Variants in CACNB4 observed in about 807,000 individuals in gnomAD.
CACNB4 encodes calcium voltage-gated channel auxiliary subunit beta 4.
A neutral mutation model predicts 71.2 loss-of-function variants in CACNB4; 32 were observed. The observed-to-expected ratio is 0.45, with a 90% CI of 0.34 to 0.60. CACNB4 has a LOEUF of 0.60. Among genes scored for constraint, CACNB4 ranks in the 20% least tolerant of loss-of-function variants. CACNB4 has a pLI of 0.01. For synonymous variants in CACNB4, 231 were observed against 236.9 expected, an observed-to-expected ratio of 0.97 and a Z score of 0.23; for missense variants, 464 against 647.9, an observed-to-expected ratio of 0.72 and a Z score of 3.08.
At chr2:151,872,313 A>C in intron 6 of CACNB4, 104 bp downstream of exon 6, 2 of 691,178 alleles carry the variant, frequency 2.9e-6, no homozygotes, top group Non-Finnish European at 5.2e-6. Context: ...TCTTTAAATT[A>C]AGCCTTCAAA....
intron 2 of CACNB4, chr2:151,967,119 C>CTCACTGAAG (rs2099871348): frequency 6.7e-6 from 1 of 150,140 alleles, no homozygotes; most frequent in African/African-American, 2.5e-5. Context: ...ATGATCAGGC[C>CTCACTGAAG]TCACTGAAGC....
At chr2:151,897,099 C>T (rs951497790) in intron 2 of CACNB4, among the ~76,000 whole-genome samples, 2 of 152,230 alleles carry the variant, frequency 1.3e-5, no homozygotes, top group Non-Finnish European at 2.9e-5. Flanking sequence ...CTAAAAATTA[C>T]TGAGAATGCT....
intron 12 of CACNB4, chr2:151,851,990 A>C (rs2099839174): frequency 1.3e-5 from 2 of 152,214 alleles, no homozygotes; most frequent in African/African-American, 4.8e-5. Context: ...GGCAGCGTGA[A>C]GTGAAACTTA....
rs138025572 is a variant in CACNB4 at position 151,870,634 on chromosome 2, C to G, written c.619-23G>C. The G allele has an allele frequency of 1.6e-4, 258 of 1,593,972 alleles. No homozygotes were observed. The African/African-American group carries it at 2.9e-3, about 18-fold the overall frequency. Reference sequence around the variant, plus strand: ...CGTCTGAAAAAGATGATTCGACACGCGTGACAAGGTGAGGTTGAGCATGCC... The same window carrying G: ...CGTCTGAAAAAGATGATTCGACACGGGTGACAAGGTGAGGTTGAGCATGCC... On this transcript the variant is annotated intron_variant, in intron 7 of 13. Coordinates refer to ENST00000539935, the MANE Select transcript of CACNB4 (RefSeq NM_000726.5).
At chr2:151,914,357 T>C (rs1224405120) in intron 2 of CACNB4, among the ~76,000 whole-genome samples, 1 of 152,228 alleles carries the variant, frequency 6.6e-6, no homozygotes, top group Non-Finnish European at 1.5e-5. Flanking sequence ...TTATCCTAGT[T>C]AGCAGTTCCT....
At chr2:151,845,835 G>A (rs554357485) in intron 12 of CACNB4, among the ~76,000 whole-genome samples, 2 of 152,320 alleles carry the variant, frequency 1.3e-5, no homozygotes, top group African/African-American at 4.8e-5. Flanking sequence ...AAGTAAATAA[G>A]TAGTGAATAG....
intron 2 of CACNB4, among the ~76,000 whole-genome samples, chr2:152,035,955 A>G (rs900240325): frequency 2.0e-5 from 3 of 152,206 alleles, no homozygotes; most frequent in African/African-American, 7.2e-5. Flanking sequence ...ATGGATAAAC[A>G]AAATGTGGCG....
At position 152,098,958 on chromosome 2, in the gene CACNB4, G is replaced by A. The variant is rs373222155; in HGVS notation, c.54C>T (p.Pro18=). The A allele has an allele frequency of 1.3e-6, 2 of 1,522,370 alleles. No individual in the cohort carries two copies. The highest frequency in any genetic ancestry group is 2.3e-5 in the Admixed American group (1 of 42,976). 94.3% of individuals were successfully genotyped at this position (1,522,370 alleles called of 1,614,324 possible). A position where few individuals can be genotyped will look rare whatever the true frequency, so the allele number is the denominator to read the frequency against. The change falls in exon 1 of 14, where the codon CCC becomes CCT. Residue 18 remains proline (P), a synonymous_variant. Coordinates refer to ENST00000539935, the MANE Select transcript of CACNB4 (RefSeq NM_000726.5). The surrounding 1 kb of genome is among the most constrained non-coding windows in gnomAD (Gnocchi z 5.3). The part of the protein sequence containing the change: ...KNGTADGPHS[P]TSQVARGTTT... ...GAGGAGGGGGCGGTACCTGCGAGGT[G>A]GGGGAGTGCGGCCCGTCCGCGGTCC... is the stretch of plus-strand genomic sequence containing the variant.
chr2:151,839,271 T>C lies in CACNB4; in HGVS notation c.1411A>G (p.Arg471Gly), dbSNP rs1559843101. 2 of 1,613,690 alleles carry C rather than the reference T, an allele frequency of 1.2e-6. No individual in the cohort carries two copies. Among genetic ancestry groups the C allele is most frequent in the Non-Finnish European group, 1.7e-6 (2 of 1,179,724 alleles). The change falls in exon 14 of 14, where the codon AGG becomes GGG. Residue 471 changes from arginine to glycine, a missense_variant. By Grantham distance (125) the Arg-to-Gly change is moderately radical (BLOSUM62 -2). Around this residue, in one of 3 missense-constraint regions of CACNB4, gnomAD observed 115 missense variants for 128.8 expected, o/e 0.89. Coordinates refer to ENST00000539935, the MANE Select transcript of CACNB4 (RefSeq NM_000726.5). ...TGAGAACTGGAAGACAAGCGGTTCCTACTCTTCCGAGCCCTTTCATTGTGA... is the reference window on the plus strand; with the variant it reads ...TGAGAACTGGAAGACAAGCGGTTCCCACTCTTCCGAGCCCTTTCATTGTGA... ...NYHNERARKS[R>G]NRLSSSSQHS...
chr2:152,028,119 G>A (rs1370056048), intron 2 of CACNB4, among the ~76,000 whole-genome samples: 1 of 152,062 alleles, frequency 6.6e-6, no homozygotes, highest in East Asian at 1.9e-4. Context: ...ATCAAATGAG[G>A]GGATGAGGGA....
At chr2:152,030,507 C>T (rs149996676) in intron 2 of CACNB4, among the ~76,000 whole-genome samples, 2,688 of 152,270 alleles carry the variant, frequency 0.018, 87 homozygotes, top group African/African-American at 0.06. Flanking sequence ...ATGTGCACAA[C>T]GTGCAGGTTT....
At chr2:151,918,627 C>T (rs920781260) in intron 2 of CACNB4, among the ~76,000 whole-genome samples, 2 of 152,188 alleles carry the variant, frequency 1.3e-5, no homozygotes, top group African/African-American at 4.8e-5. Context: ...CTTTATCTAC[C>T]AGAGCTGTGG....
At position 152,060,932 on chromosome 2, in the gene CACNB4, T is replaced by A. The variant is rs7573910; in HGVS notation, c.147+37398A>T. On this transcript the variant is annotated intron_variant, in intron 2 of 13. Transcript: ENST00000539935. Reference sequence around the variant, plus strand: ...GTAACAAAATGTTAATATATAGCAGTTGCCATATTATAGGTGATCTTTATA... The same window carrying A: ...GTAACAAAATGTTAATATATAGCAGATGCCATATTATAGGTGATCTTTATA... 4.2e-3 allele frequency among the ~76,000 whole-genome samples: 640 copies of A among 152,380 alleles called. 3 individuals are homozygous for A. The highest frequency in any genetic ancestry group is 0.015 in the African/African-American group (613 of 41,592).
At chr2:151,909,231 G>C (rs1391516864) in intron 2 of CACNB4, among the ~76,000 whole-genome samples, 1 of 150,958 alleles carries the variant, frequency 6.6e-6, no homozygotes, top group Non-Finnish European at 1.5e-5. Flanking sequence ...AGGAGTTCAA[G>C]ACCAGCCTGG....
In CACNB4 at chr2:151,839,209, ATCT is replaced by A. The variant is rs764343188; in HGVS notation, c.1470_1472del (p.Glu490del). On this transcript the variant is annotated inframe_deletion, in exon 14 of 14. Transcript: ENST00000539935. ...AAGTGTCCTGGTATGAGTCAGGGTA[ATCT>A]TCTTCCACAAGAGGGTAATGATCTC... The A allele has an allele frequency of 6.2e-6, 10 of 1,613,520 alleles. No homozygotes were observed. The highest frequency in any genetic ancestry group is 2.7e-5 in the African/African-American group (2 of 74,894).
intron 2 of CACNB4, among the ~76,000 whole-genome samples, chr2:151,965,012 G>C (rs1304907209): frequency 2.0e-5 from 3 of 152,176 alleles, no homozygotes; most frequent in African/African-American, 7.2e-5. Context: ...ATGATCAAGT[G>C]AGATGATTTG....
chr2:152,079,835 C>T (rs1461776875), intron 2 of CACNB4, among the ~76,000 whole-genome samples: 1 of 152,020 alleles, frequency 6.6e-6, no homozygotes, highest in African/African-American at 2.4e-5. Flanking sequence ...TACATCAGAC[C>T]AGAAAAGTAC....
intron 2 of CACNB4, among the ~76,000 whole-genome samples, chr2:151,931,652 G>A (rs2099861657): frequency 1.3e-5 from 2 of 152,162 alleles, no homozygotes; most frequent in African/African-American, 4.8e-5. Flanking sequence ...CAATGGGGGG[G>A]TGACCTCTTT....
chr2:151,952,097 C>T (rs2099867047), intron 2 of CACNB4, among the ~76,000 whole-genome samples: 2 of 152,096 alleles, frequency 1.3e-5, no homozygotes, highest in South Asian at 2.1e-4. Context: ...GTATATACAC[C>T]ATCTAGGGTA....
Sources: allele counts gnomAD v4.1 joint callset (sites outside exome capture counted in the v4.1 genomes callset), GRCh38; gene constraint gnomAD v4.1.1; regional missense constraint gnomAD v4.1.1; non-coding constraint Gnocchi (gnomAD v3.1); transcripts MANE v1.5; gene names NCBI Gene and HGNC (gene_info 2026-07-23, HGNC 2026-07-21).